Variants in CABIN1 observed in about 807,000 individuals in gnomAD.
CABIN1 encodes calcineurin-binding protein cabin-1.
Under a neutral mutation model 227.7 loss-of-function variants are expected in CABIN1, and 133 were observed. The ratio of observed to expected loss-of-function variants is 0.58; its 90% CI spans 0.51 to 0.67. The LOEUF (loss-of-function observed/expected upper bound fraction) is 0.67. Among genes scored for constraint, CABIN1 ranks in the 30% least tolerant of loss-of-function variants. The pLI is 0.00. For synonymous variants in CABIN1, 1,086 were observed against 1,155.1 expected (o/e 0.94, Z 1.21); for missense variants, 2,408 against 2,852.5 (o/e 0.84, Z 3.55).
rs1036909438 is a variant in CABIN1 at position 24,095,916 on chromosome 22, G to C, written c.3787-15G>C. 2 of 1,613,862 alleles carry C rather than the reference G, an allele frequency of 1.2e-6. No homozygotes were observed. The highest frequency in any genetic ancestry group is 8.5e-7 in the Non-Finnish European group (1 of 1,179,896). On this transcript the variant is annotated splice_polypyrimidine_tract_variant and intron_variant, in intron 24 of 36. Transcript: ENST00000263119. ...ACTGGGAAGGCTGCTCACACTAGAGGTGTCGTTCTCCTAGGTGTACTTTCG... is the reference window on the plus strand; with the variant it reads ...ACTGGGAAGGCTGCTCACACTAGAGCTGTCGTTCTCCTAGGTGTACTTTCG...
intron 28 of CABIN1, among the ~76,000 whole-genome samples, chr22:24,125,525 T>C (rs1028636376): frequency 6.6e-6 from 1 of 152,210 alleles, no homozygotes; most frequent in South Asian, 2.1e-4. Context: ...GTTGAGACCC[T>C]GCTTTTTGCT....
At chr22:24,083,636 C>G (rs2040954421) in intron 20 of CABIN1, among the ~76,000 whole-genome samples, 1 of 152,102 alleles carries the variant, frequency 6.6e-6, no homozygotes, top group South Asian at 2.1e-4. Flanking sequence ...GTGGTGCATA[C>G]CTTTAGTTCT....
chr22:24,101,991 C>T (rs896874635), intron 26 of CABIN1, among the ~76,000 whole-genome samples: 3 of 152,148 alleles, frequency 2.0e-5, no homozygotes, highest in Non-Finnish European at 4.4e-5. Flanking sequence ...TCATAACTGC[C>T]CTGCAGGCTC....
intron 29 of CABIN1, among the ~76,000 whole-genome samples, chr22:24,139,730 TCA>T (rs2044638377): frequency 6.6e-6 from 1 of 152,336 alleles, no homozygotes; most frequent in South Asian, 2.1e-4. Flanking sequence ...GTGTCTGCTC[TCA>T]CAGTCTCCTG....
intron 1 of CABIN1, among the ~76,000 whole-genome samples, chr22:24,029,441 A>G (rs1286472029): frequency 1.3e-5 from 2 of 152,308 alleles, no homozygotes; most frequent in Admixed American, 1.3e-4. Flanking sequence ...AGTCCCAGCT[A>G]CTGAGGAAGC....
intron 6 of CABIN1, among the ~76,000 whole-genome samples, chr22:24,045,217 C>T (rs1200025936): frequency 6.6e-6 from 1 of 152,248 alleles, no homozygotes; most frequent in Non-Finnish European, 1.5e-5. Flanking sequence ...AGCCACTGCG[C>T]CCAGCCCAGT....
chr22:24,064,846 TC>T (rs1238182678), intron 15 of CABIN1, among the ~76,000 whole-genome samples: 1 of 151,732 alleles, frequency 6.6e-6, no homozygotes, highest in East Asian at 1.9e-4. Context: ...AGGTCATAGA[TC>T]AACAGGATCC....
At chr22:24,169,550 G>A (rs568781822) in intron 33 of CABIN1, among the ~76,000 whole-genome samples, 5 of 152,312 alleles carry the variant, frequency 3.3e-5, no homozygotes, top group African/African-American at 1.2e-4. Flanking sequence ...CCAGCTAAGG[G>A]CCAGAGTCCT....
At position 24,171,968 on chromosome 22, in the gene CABIN1, A is replaced by G. The variant is rs1225981575; in HGVS notation, c.6013A>G (p.Thr2005Ala). The G allele has an allele frequency of 1.2e-6, 2 of 1,612,912 alleles. No individual in the cohort carries two copies. The highest frequency in any genetic ancestry group is 1.7e-6 in the Non-Finnish European group (2 of 1,179,998). The change falls in exon 34 of 37, where the codon ACC becomes GCC. Residue 2005 changes from threonine to alanine, a missense_variant. Transcript: ENST00000263119. ...GPPRPHRPEATPSMASLGPEG... is the reference protein window; with the variant it reads ...GPPRPHRPEAAPSMASLGPEG... ...TCCCCGGCCACACAGGCCTGAAGCT[A>G]CCCCCAGCATGGCCTCTCTGGGCCC...
chr22:24,092,564 C>T (rs538264302), intron 24 of CABIN1, among the ~76,000 whole-genome samples: 1 of 152,238 alleles, frequency 6.6e-6, no homozygotes, highest in East Asian at 1.9e-4. Flanking sequence ...GTTGGCTTTG[C>T]CCTTTCTGAG....
intron 29 of CABIN1, among the ~76,000 whole-genome samples, chr22:24,157,419 G>A (rs2045899547): frequency 6.6e-6 from 1 of 152,190 alleles, no homozygotes; most frequent in African/African-American, 2.4e-5. Flanking sequence ...AGCCGGCCTG[G>A]CTCTGTCTGT....
chr22:24,169,880 A>G (rs1414214371), intron 33 of CABIN1, among the ~76,000 whole-genome samples: 2 of 152,252 alleles, frequency 1.3e-5, no homozygotes, highest in Admixed American at 6.5e-5. Context: ...GCCAGACCCC[A>G]TTTTGCCGAG....
At chr22:24,145,183 G>A (rs533507981) in intron 29 of CABIN1, among the ~76,000 whole-genome samples, 1 of 152,156 alleles carries the variant, frequency 6.6e-6, no homozygotes, top group Non-Finnish European at 1.5e-5. Flanking sequence ...TGGGCCAGGT[G>A]CAGTTTGGTC....
chr22:24,023,038 A>G (rs2035834966), intron 1 of CABIN1, among the ~76,000 whole-genome samples: 2 of 152,222 alleles, frequency 1.3e-5, no homozygotes, highest in African/African-American at 4.8e-5. Context: ...AAAAATTTTT[A>G]TCATACCAAA....
intron 20 of CABIN1, 131 bp downstream of exon 20, chr22:24,083,520 G>A: frequency 1.0e-6 from 1 of 953,906 alleles, no homozygotes; most frequent in South Asian, 1.4e-5. Context: ...AGAGAAGACG[G>A]TCTGATGAGT....
Position 24,029,873 on chromosome 22 carries a change from C to G in CABIN1, c.-74-5571C>G, listed in dbSNP as rs372748965. On this transcript the variant is annotated intron_variant, in intron 1 of 36. Coordinates refer to ENST00000263119, the MANE Select transcript of CABIN1 (RefSeq NM_012295.4). Reference sequence around the variant, plus strand: ...GCCTCAGTTCAGTATGTGTCTGTGCCCAGGAGACACATTGAAAAGCAGTGC... The same window carrying G: ...GCCTCAGTTCAGTATGTGTCTGTGCGCAGGAGACACATTGAAAAGCAGTGC... Among the ~76,000 whole-genome samples the G allele has an allele frequency of 5.1e-4, 78 of 152,138 alleles. 1 individual carries two copies. The South Asian group carries it at 0.016, about 31-fold the overall frequency.
At chr22:24,098,276 C>T (rs963366688) in intron 26 of CABIN1, 84 bp downstream of exon 26, 36 of 1,603,372 alleles carry the variant, frequency 2.2e-5, no homozygotes, top group Middle Eastern at 2.0e-4. Flanking sequence ...TTTGTCGCTT[C>T]GTTTTGGTGA....
At chr22:24,169,907 G>A (rs2148738007) in intron 33 of CABIN1, among the ~76,000 whole-genome samples, 1 of 152,350 alleles carries the variant, frequency 6.6e-6, no homozygotes, top group South Asian at 2.1e-4. Context: ...GCATATTGGG[G>A]CCCCTGAGGG....
At chr22:24,132,062 CAAAAAAA>C (rs34365542) in intron 28 of CABIN1, among the ~76,000 whole-genome samples, 2 of 114,800 alleles carry the variant, frequency 1.7e-5, no homozygotes, top group Non-Finnish European at 3.7e-5. Flanking sequence ...ACTCTGTCTC[CAAAAAAA>C]AAAAAAAAAA....
Sources: gnomAD v4.1 joint callset for allele counts (sites outside exome capture counted in the v4.1 genomes callset) on GRCh38, gnomAD v4.1.1 for gene constraint, MANE v1.5 for transcripts, NCBI Gene and HGNC (gene_info 2026-07-23, HGNC 2026-07-21) for gene names.